SEZ6L: variants seen among roughly 807,000 people sequenced by gnomAD.
The protein encoded by SEZ6L is seizure 6-like protein.
In SEZ6L, 37 loss-of-function variants were observed where a neutral mutation model predicts 106.2. The ratio of observed to expected loss-of-function variants is 0.35; its 90% CI spans 0.27 to 0.46. The LOEUF is 0.46. Among genes scored for constraint, SEZ6L ranks in the 20% least tolerant of loss-of-function variants. SEZ6L has a pLI of 1.00. For missense variants in SEZ6L, 1,172 were observed against 1,332.8 expected, an observed-to-expected ratio of 0.88 and a Z score of 1.88; for synonymous variants, 541 against 570.4, an observed-to-expected ratio of 0.95 and a Z score of 0.73.
chr22:26,296,878 C>T lies in SEZ6L; in HGVS notation c.970-10C>T. 1 of 1,568,630 alleles carries T rather than the reference C, an allele frequency of 6.4e-7. No individual in the cohort carries two copies. The highest frequency in any genetic ancestry group is 2.3e-5 in the East Asian group (1 of 42,850). On this transcript the variant is annotated splice_polypyrimidine_tract_variant and intron_variant, in intron 3 of 16. Coordinates refer to ENST00000248933, the MANE Select transcript of SEZ6L (RefSeq NM_021115.5). ...AGAGTTCCTCTCTGTCTGCTTCTGCCTGTTCCCAGGTGAAGAGTGTGAACC... is the reference window on the plus strand; with the variant it reads ...AGAGTTCCTCTCTGTCTGCTTCTGCTTGTTCCCAGGTGAAGAGTGTGAACC...
intron 10 of SEZ6L, among the ~76,000 whole-genome samples, chr22:26,345,319 G>T (rs1294757916): frequency 6.6e-6 from 1 of 152,198 alleles, no homozygotes; most frequent in Non-Finnish European, 1.5e-5. Flanking sequence ...CTTCTACATC[G>T]TGGCAGCAAC....
intron 10 of SEZ6L, among the ~76,000 whole-genome samples, chr22:26,344,450 C>G (rs1405935692): frequency 6.6e-6 from 1 of 152,218 alleles, no homozygotes; most frequent in Non-Finnish European, 1.5e-5. Flanking sequence ...TATTGTAAGT[C>G]AACTCCAATC....
intron 1 of SEZ6L, among the ~76,000 whole-genome samples, chr22:26,290,288 T>C (rs1221584750): frequency 3.3e-5 from 5 of 152,158 alleles, no homozygotes; most frequent in Non-Finnish European, 7.4e-5. Flanking sequence ...TCCCAGCACT[T>C]TGGGAGGCCG....
At chr22:26,199,194 C>T (rs1940771323) in intron 1 of SEZ6L, among the ~76,000 whole-genome samples, 1 of 152,188 alleles carries the variant, frequency 6.6e-6, no homozygotes, top group African/African-American at 2.4e-5. Context: ...TTACCAATCA[C>T]CAACCAACCT....
intron 1 of SEZ6L, among the ~76,000 whole-genome samples, chr22:26,220,921 ATGG>A (rs1569393424): frequency 2.7e-5 from 4 of 150,138 alleles, no homozygotes; most frequent in Non-Finnish European, 5.9e-5. Context: ...GGATGGATGG[ATGG>A]ATGGGTGGAT....
intron 11 of SEZ6L, 119 bp downstream of exon 11, chr22:26,348,032 CCAATT>C (rs2083068463): frequency 2.7e-6 from 2 of 733,552 alleles, no homozygotes; most frequent in Non-Finnish European, 4.3e-6. Flanking sequence ...CCCTCCACCA[CCAATT>C]CACGAGCATT....
chr22:26,289,148 G>A (rs1274856801), intron 1 of SEZ6L, among the ~76,000 whole-genome samples: 1 of 152,104 alleles, frequency 6.6e-6, no homozygotes, highest in Non-Finnish European at 1.5e-5. Context: ...AGTGAATAGT[G>A]GCCAAGATGG....
chr22:26,327,048 C>T (rs887005027), intron 9 of SEZ6L, among the ~76,000 whole-genome samples: 2 of 152,080 alleles, frequency 1.3e-5, no homozygotes, highest in African/African-American at 2.4e-5. Flanking sequence ...GGGAGGCCTT[C>T]GAGAATATGT....
chr22:26,356,771 C>T (rs1472291748), intron 12 of SEZ6L, among the ~76,000 whole-genome samples: 2 of 151,976 alleles, frequency 1.3e-5, no homozygotes, highest in Non-Finnish European at 2.9e-5. Flanking sequence ...GATGGGACTT[C>T]GCCACCCTAA....
At chr22:26,218,554 C>G (rs768887688) in intron 1 of SEZ6L, among the ~76,000 whole-genome samples, 2 of 152,196 alleles carry the variant, frequency 1.3e-5, no homozygotes, top group African/African-American at 4.8e-5. Context: ...ATAATCTTAG[C>G]AATTTGGGAG....
intron 1 of SEZ6L, among the ~76,000 whole-genome samples, chr22:26,190,146 C>G (rs1476383027): frequency 6.6e-6 from 1 of 151,402 alleles, no homozygotes; most frequent in African/African-American, 2.4e-5. Flanking sequence ...AGAAAAACTT[C>G]CACCAGTTTT....
In SEZ6L at chr22:26,365,585, C is replaced by G. The variant is rs1431771828; in HGVS notation, c.2794+19C>G. On this transcript the variant is annotated intron_variant, in intron 13 of 16. Transcript: ENST00000248933. ...TGTAAAGGTAAAGAAACCTACTCAC[C>G]ACACAGGGTCCACGGGGCCTGGAGA... The G allele has an allele frequency of 1.9e-6, 3 of 1,601,240 alleles. No individual in the cohort carries two copies. The highest frequency in any genetic ancestry group is 2.2e-5 in the East Asian group (1 of 44,580).
At chr22:26,347,031 GA>G (rs768017064) in intron 10 of SEZ6L, among the ~76,000 whole-genome samples, 460 of 136,880 alleles carry the variant, frequency 3.4e-3, no homozygotes, top group African/African-American at 8.3e-3. Flanking sequence ...CATCTCTACA[GA>G]AAAAAAAAAA....
In SEZ6L at chr22:26,169,714, G is replaced by A; in HGVS notation, c.45G>A (p.Ser15=). 3 of 1,301,512 alleles carry A rather than the reference G, an allele frequency of 2.3e-6. No individual in the cohort carries two copies. Among genetic ancestry groups the A allele is most frequent in the South Asian group, 2.3e-5 (1 of 43,084 alleles). The allele number at this position is 1,301,512 out of a possible 1,614,324, so 80.6% of individuals were successfully genotyped here. A position where few individuals can be genotyped will look rare whatever the true frequency, so the allele number is the denominator to read the frequency against. ...CCGCCGCGGGACTCCGCGGGATCTC[G>A]CTGTTCCTCGCTCTGCTCCTGGGGA... is the stretch of plus-strand genomic sequence containing the variant. The part of the protein sequence containing the change: ...RPPAAGLRGI[S]LFLALLLGSP... The change falls in exon 1 of 17, where the codon TCG becomes TCA. Residue 15 remains serine, a synonymous_variant. Transcript: ENST00000248933.
chr22:26,347,229 A>G (rs1301502640), intron 10 of SEZ6L, among the ~76,000 whole-genome samples: 1 of 123,000 alleles, frequency 8.1e-6, no homozygotes, highest in Admixed American at 8.0e-5. Flanking sequence ...TGATGATGAT[A>G]AGAATAATAA....
intron 9 of SEZ6L, among the ~76,000 whole-genome samples, chr22:26,337,548 AG>A (rs759721033): frequency 3.3e-5 from 5 of 152,228 alleles, no homozygotes; most frequent in African/African-American, 9.6e-5. Context: ...AGCTGACATC[AG>A]TCCCACTATT....
chr22:26,223,964 A>ATATT (rs1356945649), intron 1 of SEZ6L, among the ~76,000 whole-genome samples: 1 of 152,194 alleles, frequency 6.6e-6, no homozygotes, highest in African/African-American at 2.4e-5. Flanking sequence ...TAATGAAAAT[A>ATATT]TATTCAATAT....
At chr22:26,373,637 G>A (rs1486835083) in intron 14 of SEZ6L, among the ~76,000 whole-genome samples, 154 bp downstream of exon 14, 1 of 151,970 alleles carries the variant, frequency 6.6e-6, no homozygotes, top group Non-Finnish European at 1.5e-5. Flanking sequence ...ATATTGTAGG[G>A]GAAAAAAAAT....
chr22:26,266,774 G>A (rs2080205344), intron 1 of SEZ6L, among the ~76,000 whole-genome samples: 1 of 151,940 alleles, frequency 6.6e-6, no homozygotes, highest in African/African-American at 2.4e-5. Context: ...TGTTTCTATT[G>A]TGTTCCCAAT....
Sources: allele counts gnomAD v4.1 joint callset (sites outside exome capture counted in the v4.1 genomes callset), GRCh38; gene constraint gnomAD v4.1.1; transcripts MANE v1.5; gene names NCBI Gene and HGNC (gene_info 2026-07-23, HGNC 2026-07-21).